The following DEF8 variants were observed in gnomAD, a reference collection of about 807,000 sequenced individuals.
DEF8 encodes the protein DEF-8.
Under a neutral mutation model 59.1 loss-of-function variants are expected in DEF8, and 38 were observed. The ratio of observed to expected loss-of-function variants is 0.64; its 90% CI spans 0.50 to 0.84. The LOEUF (loss-of-function observed/expected upper bound fraction) is 0.84. DEF8 is among the 40% of genes least tolerant of loss of function. The probability of loss-of-function intolerance (pLI) is 0.00; values close to 1 mark genes in which losing one functional copy is unlikely to be tolerated. For synonymous variants in DEF8, 265 were observed against 250.1 expected, an observed-to-expected ratio of 1.06 and a Z score of -0.56; for missense variants, 557 against 615.2, an observed-to-expected ratio of 0.91 and a Z score of 1.00.
chr16:89,963,783 A>G (rs1014276766), intron 10 of DEF8: 1 of 489,884 alleles, frequency 2.0e-6, no homozygotes, highest in African/African-American at 1.9e-5. Flanking sequence ...CAGTGAACGA[A>G]ACAGACAGGA....
intron 4 of DEF8, among the ~76,000 whole-genome samples, chr16:89,955,584 G>C (rs931060534): frequency 3.9e-5 from 6 of 152,190 alleles, no homozygotes; most frequent in African/African-American, 1.2e-4. Context: ...CAAATGTGCA[G>C]AGAATAGATT....
In DEF8 at chr16:89,954,458, C is replaced by G; in HGVS notation, c.124+82C>G. ...GACCCCTCCTTTCTTCCTGCCGCGT[C>G]CTGCGCAGCCCTGGCTTTCCCACGG... On this transcript the variant is annotated intron_variant, in intron 3 of 12. Coordinates refer to ENST00000563594, the MANE Select transcript of DEF8 (RefSeq NM_001242818.2). The surrounding 1 kb of genome is among the most constrained non-coding windows in gnomAD (Gnocchi z 4.3). 1 of 1,457,162 alleles carries G rather than the reference C, an allele frequency of 6.9e-7. No homozygotes were observed. Among genetic ancestry groups the G allele is most frequent in the South Asian group, 1.3e-5 (1 of 77,162 alleles). 90.3% of individuals were successfully genotyped at this position (1,457,162 alleles called of 1,614,324 possible).
chr16:89,955,346 C>G, intron 4 of DEF8, 80 bp downstream of exon 4: 1 of 1,212,004 alleles, frequency 8.3e-7, no homozygotes, highest in Non-Finnish European at 1.2e-6. Context: ...TTGTCACTCC[C>G]TCCCAGGTGG....
rs988259807 is a variant in DEF8 at position 89,960,950 on chromosome 16, C to T, written c.534C>T (p.His178=). The part of the protein sequence containing the change: ...YTCTGCYYRC[H]SKCLNLISKP... The stretch of plus-strand genomic sequence containing the variant: ...CCCTAGGGTGTTATTACCGCTGTCA[C>T]AGTAAGTGCTTGAACCTCATCTCCA... The change falls in exon 7 of 13, where the codon CAC becomes CAT. Residue 178 remains histidine (H), a synonymous_variant. Coordinates refer to ENST00000563594, the MANE Select transcript of DEF8 (RefSeq NM_001242818.2). 1 of 1,613,988 alleles carries T rather than the reference C, an allele frequency of 6.2e-7. No homozygotes were observed. The highest frequency in any genetic ancestry group is 8.5e-7 in the Non-Finnish European group (1 of 1,179,990).
chr16:89,949,614 CCGCGGGCAGGA>C (rs2031585925), intron 2 of DEF8, 101 bp downstream of exon 2: 3 of 1,612,654 alleles, frequency 1.9e-6, no homozygotes, highest in African/African-American at 1.3e-5. Context: ...GGTGGTCACG[CCGCGGGCAGGA>C]CGCGGGAGGC....
intron 1 of DEF8, 71 bp from the exon 2 acceptor site, chr16:89,949,346 G>A (rs914330255): frequency 9.9e-6 from 13 of 1,313,154 alleles, no homozygotes; most frequent in African/African-American, 4.4e-5. Context: ...CGAGGAGCCC[G>A]GGAGACCGGG....
At chr16:89,949,990 C>G (rs1237724916) in intron 2 of DEF8, 1 of 1,042,136 alleles carries the variant, frequency 9.6e-7, no homozygotes, top group Non-Finnish European at 1.2e-6. Flanking sequence ...CCTCATTCAT[C>G]CCCTGCCCGT....
chr16:89,964,394 C>A, intron 11 of DEF8, 72 bp from the exon 12 acceptor site: 1 of 1,549,982 alleles, frequency 6.5e-7, no homozygotes, highest in East Asian at 2.4e-5. Flanking sequence ...CCCAGTGTGT[C>A]CCTGGCCTCA....
intron 1 of DEF8, 86 bp from the exon 2 acceptor site, chr16:89,949,331 G>A (rs1019574781): frequency 8.1e-6 from 9 of 1,105,892 alleles, no homozygotes; most frequent in South Asian, 4.5e-5. Flanking sequence ...GGAGAGACCT[G>A]CCCCCGAGGA....
chr16:89,949,267 C>G, intron 1 of DEF8, 150 bp from the exon 2 acceptor site: 1 of 642,368 alleles, frequency 1.6e-6, no homozygotes, highest in South Asian at 2.4e-5. Flanking sequence ...TGGCCGTGCC[C>G]CCGCCCTGGG....
chr16:89,959,074 A>G lies in DEF8; in HGVS notation c.433A>G (p.Lys145Glu). Residue 145 changes from lysine (K) to glutamate (E), a missense_variant, in exon 6 of 13, where the codon AAG (lysine) becomes GAG (glutamate). By Grantham distance (56) the Lys-to-Glu change is moderately conservative. Coordinates refer to ENST00000563594, the MANE Select transcript of DEF8 (RefSeq NM_001242818.2). ...VLLEHRFYKE[K>E]SKSVKQTCDK... ...CCTTGAGCACCGCTTTTACAAGGAG[A>G]AGAGCAAGAGCGTCAAGCAGACCTG... 1.2e-6 allele frequency: 2 copies of G among 1,613,822 alleles called. No individual in the cohort carries two copies. The highest frequency in any genetic ancestry group is 1.7e-6 in the Non-Finnish European group (2 of 1,180,026).
chr16:89,952,238 T>A (rs896217980), intron 2 of DEF8, among the ~76,000 whole-genome samples: 3 of 152,230 alleles, frequency 2.0e-5, no homozygotes, highest in African/African-American at 7.2e-5. Context: ...CCGGATGCCG[T>A]CCTCCTGCCT....
rs953368116 is a variant in DEF8 at position 89,967,662 on chromosome 16, C to G, written c.*1699C>G. The G allele has an allele frequency of 2.5e-6, 1 of 395,500 alleles. No homozygotes were observed. Among genetic ancestry groups the G allele is most frequent in the African/African-American group, 2.1e-5 (1 of 48,564 alleles). The allele number at this position is 395,500 out of a possible 1,614,324, so 24.5% of individuals were successfully genotyped here. On this transcript the variant is annotated 3_prime_UTR_variant, in exon 13 of 13. Coordinates refer to ENST00000563594, the MANE Select transcript of DEF8 (RefSeq NM_001242818.2). ...GGCCAAATGCTGTTTCCCAACACCC[C>G]AAAGTCTGCACACGTCTCATGAATG...
rs2031140007 is a variant in DEF8, at chr16:89,948,784, A to G, written c.-138A>G. The G allele has an allele frequency of 1.0e-6, 1 of 981,416 alleles. No homozygotes were observed. The highest frequency in any genetic ancestry group is 1.2e-6 in the Non-Finnish European group (1 of 828,970). The allele number at this position is 981,416 out of a possible 1,614,324, so 60.8% of individuals were successfully genotyped here. ...CGGGGCGGCCGGGCGGATCCAGCGC[A>G]GCCGGGAGACAGATGCGAGGCGGCG... On this transcript the variant is annotated 5_prime_UTR_variant, in exon 1 of 13. Transcript: ENST00000563594.
Position 89,965,903 on chromosome 16 carries a change from C to T in DEF8, c.1296C>T (p.Ala432=), listed in dbSNP as rs1188575175. 6.2e-7 allele frequency: 1 copy of T among 1,613,604 alleles called. No individual in the cohort carries two copies. Among genetic ancestry groups the T allele is most frequent in the South Asian group, 1.1e-5 (1 of 91,066 alleles). The change falls in exon 13 of 13, where the codon GCC becomes GCT. Residue 432 remains alanine (A), a synonymous_variant. Coordinates refer to ENST00000563594, the MANE Select transcript of DEF8 (RefSeq NM_001242818.2). ...ACTCCACCACTTGTCCCAAGTGTGC[C>T]CGGCTCAGCCTGAGGAAGCAGTCGC... ...YDNSTTCPKC[A]RLSLRKQSLF...
At chr16:89,951,391 C>G (rs1288591802) in intron 2 of DEF8, among the ~76,000 whole-genome samples, 1 of 151,976 alleles carries the variant, frequency 6.6e-6, no homozygotes, top group African/African-American at 2.4e-5. Flanking sequence ...ATTACAGATG[C>G]CCACCACCAC....
At position 89,948,776 on chromosome 16, in the gene DEF8, T is replaced by C; in HGVS notation, c.-146T>C. The C allele has an allele frequency of 1.0e-6, 1 of 981,288 alleles. No homozygotes were observed. The highest frequency in any genetic ancestry group is 1.2e-6 in the Non-Finnish European group (1 of 828,966). The allele number at this position is 981,288 out of a possible 1,614,324, so 60.8% of individuals were successfully genotyped here. On this transcript the variant is annotated 5_prime_UTR_variant, in exon 1 of 13. Coordinates refer to ENST00000563594, the MANE Select transcript of DEF8 (RefSeq NM_001242818.2). ...CAGCGTAGCGGGGCGGCCGGGCGGA[T>C]CCAGCGCAGCCGGGAGACAGATGCG...
At chr16:89,953,135 A>G (rs2032502413) in intron 2 of DEF8, among the ~76,000 whole-genome samples, 1 of 152,200 alleles carries the variant, frequency 6.6e-6, no homozygotes, top group African/African-American at 2.4e-5. Flanking sequence ...TAGTGAAAGC[A>G]TAACTAACAC....
chr16:89,955,735 C>A (rs1374770291), intron 4 of DEF8, among the ~76,000 whole-genome samples: 1 of 152,212 alleles, frequency 6.6e-6, no homozygotes, highest in East Asian at 1.9e-4. Flanking sequence ...TCCATGGAAG[C>A]CTTGTGTTGA....
Sources: allele counts gnomAD v4.1 joint callset (sites outside exome capture counted in the v4.1 genomes callset), GRCh38; gene constraint gnomAD v4.1.1; non-coding constraint Gnocchi (gnomAD v3.1); transcripts MANE v1.5; gene names NCBI Gene and HGNC (gene_info 2026-07-23, HGNC 2026-07-21).